Variants in NKAIN2 observed in about 807,000 individuals in gnomAD.
NKAIN2 encodes the protein sodium/potassium transporting ATPase interacting 2.
A neutral mutation model predicts 32.6 loss-of-function variants in NKAIN2; 14 were observed. The ratio of observed to expected loss-of-function variants is 0.43; its 90% CI spans 0.28 to 0.67. The LOEUF is 0.67. Ranked by LOEUF, NKAIN2 falls within the 30% of genes least tolerant of loss-of-function variation. NKAIN2 has a pLI of 0.17. For missense variants in NKAIN2, 198 were observed against 258.3 expected, an observed-to-expected ratio of 0.77 and a Z score of 1.60; for synonymous variants, 80 against 87.2, an observed-to-expected ratio of 0.92 and a Z score of 0.46.
chr6:124,627,328 G>T (rs539126160), intron 3 of NKAIN2, among the ~76,000 whole-genome samples: 1 of 152,234 alleles, frequency 6.6e-6, no homozygotes, highest in African/African-American at 2.4e-5. Context: ...TATGAGAAAT[G>T]CATTTTTAAA....
intron 2 of NKAIN2, among the ~76,000 whole-genome samples, chr6:124,338,070 A>G (rs1797955199): frequency 6.6e-6 from 1 of 152,208 alleles, no homozygotes; most frequent in South Asian, 2.1e-4. Context: ...AAAATTAATT[A>G]CTTATCACAA....
chr6:124,747,372 G>A (rs1181767301), intron 4 of NKAIN2, among the ~76,000 whole-genome samples: 3 of 151,822 alleles, frequency 2.0e-5, no homozygotes, highest in Non-Finnish European at 4.4e-5. Flanking sequence ...CATGATTTGG[G>A]GGATTCCTCT....
chr6:123,872,947 C>T (rs1357467688), intron 1 of NKAIN2, among the ~76,000 whole-genome samples: 1 of 152,142 alleles, frequency 6.6e-6, no homozygotes, highest in African/African-American at 2.4e-5. Context: ...GTTTTAAGAA[C>T]ACCCTATTAA....
chr6:124,821,638 AT>A (rs1018461018), intron 6 of NKAIN2, among the ~76,000 whole-genome samples: 1 of 152,220 alleles, frequency 6.6e-6, no homozygotes, highest in African/African-American at 2.4e-5. Flanking sequence ...GTTATAAAAA[AT>A]ATATTGTTTT....
At chr6:124,079,947 A>G (rs1783877852) in intron 1 of NKAIN2, among the ~76,000 whole-genome samples, 1 of 152,030 alleles carries the variant, frequency 6.6e-6, no homozygotes, top group South Asian at 2.1e-4. Context: ...ATGGAAAAAA[A>G]AAAAAGGGAA....
At chr6:123,896,231 C>T (rs147236275) in intron 1 of NKAIN2, among the ~76,000 whole-genome samples, 1 of 152,266 alleles carries the variant, frequency 6.6e-6, no homozygotes, top group East Asian at 1.9e-4. Flanking sequence ...AGATGAGCTA[C>T]TTATGTTACT....
chr6:124,797,169 C>CAAA (rs563319426), intron 5 of NKAIN2, among the ~76,000 whole-genome samples: 37 of 87,018 alleles, frequency 4.3e-4, no homozygotes, highest in Middle Eastern at 7.0e-3. Context: ...TCCATGTTAG[C>CAAA]AAAAAAAAAA....
At chr6:123,830,231 C>T (rs934062834) in intron 1 of NKAIN2, among the ~76,000 whole-genome samples, 1 of 152,154 alleles carries the variant, frequency 6.6e-6, no homozygotes, top group Non-Finnish European at 1.5e-5. Context: ...TTCCACATGT[C>T]CTCTGGCTCC....
intron 1 of NKAIN2, among the ~76,000 whole-genome samples, chr6:123,910,453 G>A (rs1775112659): frequency 7.6e-6 from 1 of 132,068 alleles, no homozygotes; most frequent in Non-Finnish European, 1.6e-5. Flanking sequence ...TTATGCATTT[G>A]TTTCATAAAC....
chr6:124,080,517 A>G (rs954446548), intron 1 of NKAIN2, among the ~76,000 whole-genome samples: 10 of 152,170 alleles, frequency 6.6e-5, no homozygotes, highest in Admixed American at 4.6e-4. Context: ...TCAATTTTCC[A>G]TTTTATATAT....
At chr6:124,634,648 G>A (rs1450912901) in intron 3 of NKAIN2, among the ~76,000 whole-genome samples, 1 of 151,936 alleles carries the variant, frequency 6.6e-6, no homozygotes, top group Admixed American at 6.6e-5. Flanking sequence ...TAAAAGATTG[G>A]AAAAGCCATA....
At position 124,345,358 on chromosome 6, in the gene NKAIN2, A is replaced by C. The variant is rs547202747; in HGVS notation, c.193-9909A>C. Among the ~76,000 whole-genome samples, 4 of 152,210 alleles carry C rather than the reference A, an allele frequency of 2.6e-5. No individual in the cohort carries two copies. In the East Asian group the frequency reaches 5.8e-4, roughly 22 times the overall value. On this transcript the variant is annotated intron_variant, in intron 2 of 6. Transcript: ENST00000368417. ...TGATGCTGGCCTCATAAAATGAGTT[A>C]GGGAGGATTCCCTCTTTTTCTGTTG...
intron 3 of NKAIN2, among the ~76,000 whole-genome samples, chr6:124,499,308 G>A (rs1778194135): frequency 6.6e-6 from 1 of 152,094 alleles, no homozygotes; most frequent in Non-Finnish European, 1.5e-5. Context: ...TGGTCCTACA[G>A]CCTGTGCACA....
chr6:124,690,630 C>T (rs942459027), intron 4 of NKAIN2, among the ~76,000 whole-genome samples: 3 of 152,044 alleles, frequency 2.0e-5, no homozygotes, highest in Non-Finnish European at 4.4e-5. Flanking sequence ...GGATTTTTTA[C>T]CCATAGGAGA....
At chr6:124,541,378 C>A in intron 3 of NKAIN2, among the ~76,000 whole-genome samples, 1 of 152,034 alleles carries the variant, frequency 6.6e-6, no homozygotes, top group East Asian at 1.9e-4. Flanking sequence ...ATTCATACAA[C>A]AAAAAGGATA....
chr6:124,205,876 T>C (rs1487042290), intron 1 of NKAIN2, among the ~76,000 whole-genome samples: 2 of 151,906 alleles, frequency 1.3e-5, no homozygotes, highest in South Asian at 2.1e-4. Context: ...GTTTCCCATA[T>C]TTTCCATTCT....
chr6:124,558,084 A>C (rs1780542961), intron 3 of NKAIN2, among the ~76,000 whole-genome samples: 1 of 152,266 alleles, frequency 6.6e-6, no homozygotes, highest in African/African-American at 2.4e-5. Flanking sequence ...TCTCAGGAGA[A>C]TGTAGACTAA....
intron 2 of NKAIN2, among the ~76,000 whole-genome samples, chr6:124,330,880 T>C (rs1207880212): frequency 6.6e-6 from 1 of 152,118 alleles, no homozygotes; most frequent in East Asian, 1.9e-4. Flanking sequence ...CTATTGTGAA[T>C]TGTGCATGCA....
intron 1 of NKAIN2, among the ~76,000 whole-genome samples, chr6:124,105,116 G>A (rs886613470): frequency 2.0e-5 from 3 of 152,218 alleles, no homozygotes; most frequent in Non-Finnish European, 2.9e-5. Flanking sequence ...TGATATAGCC[G>A]TGTGTGGCAA....
Sources: gnomAD v4.1 joint callset for allele counts (sites outside exome capture counted in the v4.1 genomes callset) on GRCh38, gnomAD v4.1.1 for gene constraint, MANE v1.5 for transcripts, NCBI Gene and HGNC (gene_info 2026-07-23, HGNC 2026-07-21) for gene names.